PSPC1: variants seen among roughly 807,000 people sequenced by gnomAD.
PSPC1 encodes the protein paraspeckle component 1.
In PSPC1, 14 loss-of-function variants were observed where a neutral mutation model predicts 51.6. That is an observed-to-expected ratio of 0.27 (90% CI 0.18 to 0.42). The LOEUF (loss-of-function observed/expected upper bound fraction) is 0.42. PSPC1 is among the 10% of genes least tolerant of loss of function. PSPC1 has a pLI of 1.00. For synonymous variants in PSPC1, 193 were observed against 231.9 expected, an observed-to-expected ratio of 0.83 and a Z score of 1.53; for missense variants, 406 against 701.1, an observed-to-expected ratio of 0.58 and a Z score of 4.75.
At chr13:19,731,952 G>A (rs986042566) in intron 5 of PSPC1, among the ~76,000 whole-genome samples, 7 of 152,084 alleles carry the variant, frequency 4.6e-5, no homozygotes, top group South Asian at 2.1e-4. Context: ...CCATTATTAG[G>A]TCTCGTTTTC....
chr13:19,687,171 A>T (rs6490479), intron 6 of PSPC1, among the ~76,000 whole-genome samples: 4 of 152,108 alleles, frequency 2.6e-5, no homozygotes, highest in South Asian at 2.1e-4. Context: ...ACTGCACTCC[A>T]GCCTGGGCAA....
chr13:19,732,156 T>A (rs1294004631), intron 5 of PSPC1, among the ~76,000 whole-genome samples: 1 of 152,198 alleles, frequency 6.6e-6, no homozygotes, highest in Non-Finnish European at 1.5e-5. Flanking sequence ...AAAATGTTCC[T>A]AAGGGATTTC....
intron 6 of PSPC1, among the ~76,000 whole-genome samples, chr13:19,683,667 T>C (rs1358506889): frequency 6.6e-6 from 1 of 152,200 alleles, no homozygotes; most frequent in Non-Finnish European, 1.5e-5. Flanking sequence ...TGTAAGTTCA[T>C]GTAGCAACTC....
intron 6 of PSPC1, among the ~76,000 whole-genome samples, chr13:19,689,546 C>T (rs117141670): frequency 0.011 from 1,690 of 152,234 alleles, 13 homozygotes; most frequent in South Asian, 0.027. Context: ...CCTTTGCATA[C>T]GCTGAATTAT....
chr13:19,728,281 G>C (rs2137907781), intron 6 of PSPC1, among the ~76,000 whole-genome samples: 1 of 152,094 alleles, frequency 6.6e-6, no homozygotes, highest in Non-Finnish European at 1.5e-5. Flanking sequence ...ATTTCTATTA[G>C]GAAGGCAAGA....
At position 19,782,047 on chromosome 13, in the gene PSPC1, G is replaced by A. The variant is rs1455706557; in HGVS notation, c.372+339C>T. Among the ~76,000 whole-genome samples the A allele has an allele frequency of 6.6e-6, 1 of 152,220 alleles. No individual in the cohort carries two copies. The highest frequency in any genetic ancestry group is 1.5e-5 in the Non-Finnish European group (1 of 68,038). ...GTCCCCGGACCCTTTCGGTACCCGG[G>A]GCAACGGGGAACCCGGGAGCGCTCG... On this transcript the variant is annotated intron_variant, in intron 1 of 8. Coordinates refer to ENST00000338910, the MANE Select transcript of PSPC1 (RefSeq NM_001354909.2). This position sits in a 1 kb window ranked among gnomAD's most constrained non-coding sequence, Gnocchi z 4.5.
chr13:19,711,639 TAAAAA>T (rs143917566), intron 6 of PSPC1, among the ~76,000 whole-genome samples: 10 of 80,938 alleles, frequency 1.2e-4, no homozygotes, highest in South Asian at 4.9e-4. Context: ...CTCCGTCTCA[TAAAAA>T]AAAAAAAAAA....
chr13:19,705,478 C>T (rs141672565), intron 8 of PSPC1, among the ~76,000 whole-genome samples, 184 bp downstream of exon 8: 1,653 of 150,292 alleles, frequency 0.011, 13 homozygotes, highest in Non-Finnish European at 0.015. Flanking sequence ...GGCAATAGTG[C>T]GAGACTCTCT....
chr13:19,758,712 G>C (rs1887325621), intron 3 of PSPC1, among the ~76,000 whole-genome samples: 1 of 151,886 alleles, frequency 6.6e-6, no homozygotes, highest in African/African-American at 2.4e-5. Flanking sequence ...GCGCACACCT[G>C]TAATCCCAGC....
chr13:19,756,685 A>C (rs1197981883), intron 3 of PSPC1, among the ~76,000 whole-genome samples: 1 of 151,734 alleles, frequency 6.6e-6, no homozygotes, highest in Non-Finnish European at 1.5e-5. Context: ...ATTTTAGTAG[A>C]GACGGGGGTT....
chr13:19,777,302 C>T (rs1205865365), intron 1 of PSPC1, among the ~76,000 whole-genome samples: 2 of 150,318 alleles, frequency 1.3e-5, no homozygotes, highest in Non-Finnish European at 3.0e-5. Context: ...TGAAGGCGGG[C>T]GCCTGTAATT....
At chr13:19,765,325 A>AAAT (rs1272556494) in intron 2 of PSPC1, among the ~76,000 whole-genome samples, 2,723 of 145,404 alleles carry the variant, frequency 0.019, 72 homozygotes, top group African/African-American at 0.058. Flanking sequence ...CCCATCTCAA[A>AAAT]AATAATAATA....
intron 2 of PSPC1, among the ~76,000 whole-genome samples, chr13:19,760,991 T>C (rs1422413367): frequency 6.7e-6 from 1 of 149,252 alleles, no homozygotes; most frequent in African/African-American, 2.5e-5. Context: ...CCGTCTCAAA[T>C]TAAAAAAAAA....
intron 2 of PSPC1, among the ~76,000 whole-genome samples, chr13:19,769,918 C>G (rs1322697673): frequency 6.6e-6 from 1 of 152,070 alleles, no homozygotes; most frequent in Non-Finnish European, 1.5e-5. Flanking sequence ...GCAATTTACC[C>G]CTAAATATTT....
intron 6 of PSPC1, among the ~76,000 whole-genome samples, chr13:19,690,381 T>C (rs1246567926): frequency 2.0e-5 from 3 of 152,232 alleles, no homozygotes; most frequent in Non-Finnish European, 4.4e-5. Flanking sequence ...CTTCTGAGCA[T>C]TTCCTGACGA....
chr13:19,765,186 T>G (rs552332784), intron 2 of PSPC1, among the ~76,000 whole-genome samples: 1 of 151,634 alleles, frequency 6.6e-6, no homozygotes, highest in South Asian at 2.1e-4. Flanking sequence ...TAGCTGGGTG[T>G]GGTGGTGCGC....
At chr13:19,690,271 T>C (rs1878397959) in intron 6 of PSPC1, among the ~76,000 whole-genome samples, 1 of 152,216 alleles carries the variant, frequency 6.6e-6, no homozygotes. Flanking sequence ...AACTGGACCA[T>C]CAATGTCTGA....
intron 2 of PSPC1, among the ~76,000 whole-genome samples, chr13:19,770,103 A>G (rs958928608): frequency 2.6e-5 from 4 of 152,260 alleles, no homozygotes; most frequent in African/African-American, 9.6e-5. Context: ...AAAAGGAACA[A>G]AATACTATAC....
At chr13:19,699,716 C>T (rs1009097428), downstream of PSPC1, among the ~76,000 whole-genome samples, 1 of 151,820 alleles carries the variant, frequency 6.6e-6, no homozygotes, top group East Asian at 1.9e-4. Flanking sequence ...AAGTAGTTTG[C>T]CATCCCCCCA....
Sources: gnomAD v4.1 joint callset for allele counts (sites outside exome capture counted in the v4.1 genomes callset) on GRCh38, gnomAD v4.1.1 for gene constraint, Gnocchi (gnomAD v3.1) non-coding constraint, MANE v1.5 for transcripts, NCBI Gene and HGNC (gene_info 2026-07-23, HGNC 2026-07-21) for gene names.